SLC39A8: variants seen among roughly 807,000 people sequenced by gnomAD.
SLC39A8 encodes the protein metal cation symporter ZIP8.
A neutral mutation model predicts 40.4 loss-of-function variants in SLC39A8; 15 were observed. The ratio of observed to expected loss-of-function variants is 0.37; its 90% CI spans 0.25 to 0.57. SLC39A8 has a LOEUF of 0.57. SLC39A8 is among the 20% of genes least tolerant of loss of function. The pLI is 0.75. For synonymous variants in SLC39A8, 223 were observed against 221.6 expected (o/e 1.01, Z -0.06); for missense variants, 472 against 558.8 (o/e 0.84, Z 1.57).
intron 3 of SLC39A8, among the ~76,000 whole-genome samples, chr4:102,308,081 T>C (rs1347737134): frequency 2.6e-5 from 4 of 151,964 alleles, no homozygotes; most frequent in Admixed American, 2.6e-4. Flanking sequence ...AGCTTCAAGG[T>C]GACCATAGCT....
intron 3 of SLC39A8, among the ~76,000 whole-genome samples, chr4:102,310,595 A>G (rs756214757): frequency 1.3e-5 from 2 of 152,026 alleles, no homozygotes. Flanking sequence ...AACTTGGGGG[A>G]TGGTGGGAGT....
chr4:102,316,916 T>C (rs1488706700), intron 2 of SLC39A8, among the ~76,000 whole-genome samples: 1 of 152,178 alleles, frequency 6.6e-6, no homozygotes, highest in Non-Finnish European at 1.5e-5. Context: ...TCAAAGAGCC[T>C]GCTCACTTGC....
intron 2 of SLC39A8, among the ~76,000 whole-genome samples, chr4:102,326,085 CAG>C (rs1246142383): frequency 1.3e-5 from 2 of 152,184 alleles, no homozygotes; most frequent in Non-Finnish European, 2.9e-5. Context: ...CTTCAGGGGG[CAG>C]AGGCCACCCT....
At chr4:102,296,935 A>G (rs1733702053) in intron 6 of SLC39A8, among the ~76,000 whole-genome samples, 1 of 152,148 alleles carries the variant, frequency 6.6e-6, no homozygotes, top group Non-Finnish European at 1.5e-5. Flanking sequence ...TCAGGAAGAA[A>G]GAGTGAATGA....
At chr4:102,341,339 C>T (rs1002417347) in intron 2 of SLC39A8, among the ~76,000 whole-genome samples, 24 of 152,158 alleles carry the variant, frequency 1.6e-4, no homozygotes, top group Admixed American at 1.2e-3. Context: ...ACTATCTACA[C>T]ATAAGAACTT....
chr4:102,318,726 C>G (rs1477123931), intron 2 of SLC39A8, among the ~76,000 whole-genome samples: 1 of 152,064 alleles, frequency 6.6e-6, no homozygotes, highest in Non-Finnish European at 1.5e-5. Flanking sequence ...AAACAAATTA[C>G]GGAAAGGGTA....
chr4:102,298,204 G>T (rs1578587564), intron 6 of SLC39A8, among the ~76,000 whole-genome samples: 1 of 151,892 alleles, frequency 6.6e-6, no homozygotes, highest in South Asian at 2.1e-4. Context: ...AGTTTTTCAT[G>T]AATAAAAGTA....
At chr4:102,335,238 A>G (rs554523447) in intron 2 of SLC39A8, among the ~76,000 whole-genome samples, 109 of 152,286 alleles carry the variant, frequency 7.2e-4, no homozygotes, top group African/African-American at 2.5e-3. Flanking sequence ...AACATAAGGG[A>G]CTGCATGTTT....
intron 8 of SLC39A8, among the ~76,000 whole-genome samples, chr4:102,266,814 G>A (rs1416011089): frequency 6.6e-6 from 1 of 152,026 alleles, no homozygotes; most frequent in African/African-American, 2.4e-5. Flanking sequence ...CACCATGTTG[G>A]CCAGGATGGT....
intron 6 of SLC39A8, among the ~76,000 whole-genome samples, chr4:102,271,179 G>T (rs2149007493): frequency 6.6e-6 from 1 of 152,120 alleles, no homozygotes; most frequent in Middle Eastern, 3.4e-3. Flanking sequence ...AAACGAGCAA[G>T]CATGAGTAAG....
rs979892842 is a variant in SLC39A8 at position 102,333,103 on chromosome 4, G to A, written c.219+11341C>T. On this transcript the variant is annotated intron_variant, in intron 2 of 8. Coordinates refer to ENST00000356736, the MANE Select transcript of SLC39A8 (RefSeq NM_001135146.2). ...TGGGTGCAGTAAACCACCATGTCAC[G>A]CGTATACCTAAGTAACAAACCTGCA... 2.6e-5 allele frequency among the ~76,000 whole-genome samples: 4 copies of A among 151,918 alleles called. No homozygotes were observed. In the East Asian group the frequency reaches 5.8e-4, roughly 22 times the overall value.
intron 2 of SLC39A8, among the ~76,000 whole-genome samples, chr4:102,328,224 A>T (rs1269850524): frequency 6.6e-6 from 1 of 152,116 alleles, no homozygotes; most frequent in Non-Finnish European, 1.5e-5. Flanking sequence ...GTCATTCCTC[A>T]ACCCATTGTG....
At chr4:102,277,155 A>G (rs1290402620) in intron 6 of SLC39A8, among the ~76,000 whole-genome samples, 3 of 152,212 alleles carry the variant, frequency 2.0e-5, no homozygotes, top group Admixed American at 1.3e-4. Flanking sequence ...CAGGCAAGAG[A>G]AAGAAATAAG....
chr4:102,289,454 C>T (rs1402412324), intron 6 of SLC39A8, among the ~76,000 whole-genome samples: 1 of 152,092 alleles, frequency 6.6e-6, no homozygotes, highest in Non-Finnish European at 1.5e-5. Context: ...TTTTGACTTA[C>T]AAGTCATATT....
chr4:102,315,258 G>A (rs570951029), intron 3 of SLC39A8, among the ~76,000 whole-genome samples: 8 of 152,132 alleles, frequency 5.3e-5, no homozygotes, highest in Non-Finnish European at 1.0e-4. Flanking sequence ...CTAGAAGCAT[G>A]CTAGTTCTCT....
intron 6 of SLC39A8, among the ~76,000 whole-genome samples, chr4:102,275,369 T>A (rs1409001850): frequency 6.6e-6 from 1 of 150,892 alleles, no homozygotes; most frequent in Non-Finnish European, 1.5e-5. Context: ...CCAACAAAGA[T>A]CAAAAAAGAC....
chr4:102,278,803 G>A (rs1156271402), intron 6 of SLC39A8, among the ~76,000 whole-genome samples: 1 of 152,164 alleles, frequency 6.6e-6, no homozygotes, highest in Admixed American at 6.5e-5. Context: ...GGAATACTAT[G>A]CAGACATAAA....
At chr4:102,327,480 C>T (rs1424400413) in intron 2 of SLC39A8, among the ~76,000 whole-genome samples, 1 of 152,136 alleles carries the variant, frequency 6.6e-6, no homozygotes, top group Non-Finnish European at 1.5e-5. Context: ...CTCAAACTAC[C>T]CAACTCCTGT....
At chr4:102,283,831 C>G (rs1733022420) in intron 6 of SLC39A8, among the ~76,000 whole-genome samples, 7 of 152,298 alleles carry the variant, frequency 4.6e-5, no homozygotes, top group East Asian at 1.9e-4. Context: ...TCATTTTATA[C>G]AAGCATCCAC....
Sources: gnomAD v4.1 joint callset for allele counts (sites outside exome capture counted in the v4.1 genomes callset) on GRCh38, gnomAD v4.1.1 for gene constraint, MANE v1.5 for transcripts, NCBI Gene and HGNC (gene_info 2026-07-23, HGNC 2026-07-21) for gene names.